Variants in MAGI1 observed in about 807,000 individuals in gnomAD.
MAGI1 encodes the protein membrane-associated guanylate kinase, WW and PDZ domain-containing protein 1.
Under a neutral mutation model 139.9 loss-of-function variants are expected in MAGI1, and 58 were observed. That is an observed-to-expected ratio of 0.41 (90% CI 0.34 to 0.52). MAGI1 has a LOEUF of 0.52. Ranked by LOEUF, MAGI1 falls within the 20% of genes least tolerant of loss-of-function variation. MAGI1 has a pLI of 0.12. For synonymous variants in MAGI1, 812 were observed against 737.9 expected, an observed-to-expected ratio of 1.10 and a Z score of -1.63; for missense variants, 1,874 against 1,901.6, an observed-to-expected ratio of 0.99 and a Z score of 0.27.
At chr3:65,361,437 G>A (rs1377727791) in intron 21 of MAGI1, 100 bp from the exon 22 acceptor site, 1 of 1,186,538 alleles carries the variant, frequency 8.4e-7, no homozygotes, top group East Asian at 2.4e-5. Context: ...CTTTGGAGGT[G>A]GCAGTGACAA....
chr3:65,627,659 C>G (rs1197810657), intron 1 of MAGI1, among the ~76,000 whole-genome samples: 1 of 151,682 alleles, frequency 6.6e-6, no homozygotes, highest in East Asian at 1.9e-4. Context: ...AGGTGACCAC[C>G]ACCATGCCCA....
intron 2 of MAGI1, among the ~76,000 whole-genome samples, chr3:65,558,702 A>C (rs1052332747): frequency 4.6e-5 from 7 of 152,014 alleles, no homozygotes; most frequent in Admixed American, 1.3e-4. Context: ...CACAAAAAAA[A>C]CCCTGCAGAT....
chr3:65,410,694 G>A (rs1945725876), intron 12 of MAGI1, among the ~76,000 whole-genome samples: 1 of 152,158 alleles, frequency 6.6e-6, no homozygotes, highest in African/African-American at 2.4e-5. Flanking sequence ...GCCGAAGAGT[G>A]TATGCACAGT....
intron 1 of MAGI1, among the ~76,000 whole-genome samples, chr3:65,944,380 G>A (rs1217016645): frequency 1.3e-5 from 2 of 152,000 alleles, no homozygotes; most frequent in Admixed American, 6.6e-5. Flanking sequence ...TGAGATGGAT[G>A]TGGGGTACGT....
chr3:65,385,863 G>A (rs1419276332), intron 14 of MAGI1, among the ~76,000 whole-genome samples: 1 of 152,120 alleles, frequency 6.6e-6, no homozygotes, highest in African/African-American at 2.4e-5. Context: ...TCGAGTAGCT[G>A]GCTACAGGAT....
chr3:65,812,480 A>ACACAAACACACG (rs2041324018), intron 1 of MAGI1, among the ~76,000 whole-genome samples: 1 of 146,110 alleles, frequency 6.8e-6, no homozygotes, highest in East Asian at 2.1e-4. Flanking sequence ...ACACACACAC[A>ACACAAACACACG]CACACACACA....
intron 5 of MAGI1, among the ~76,000 whole-genome samples, chr3:65,458,934 A>G (rs1301068640): frequency 1.3e-5 from 2 of 152,144 alleles, no homozygotes; most frequent in Non-Finnish European, 2.9e-5. Flanking sequence ...TCATAGTTGG[A>G]GGTCTTAGAC....
At chr3:65,987,229 T>G (rs6807782) in intron 1 of MAGI1, among the ~76,000 whole-genome samples, 1 of 151,940 alleles carries the variant, frequency 6.6e-6, no homozygotes, top group African/African-American at 2.4e-5. Context: ...ATTTCACTCA[T>G]GTGACTTTGG....
intron 2 of MAGI1, among the ~76,000 whole-genome samples, chr3:65,527,521 C>T (rs948095126): frequency 2.6e-5 from 4 of 152,028 alleles, no homozygotes; most frequent in South Asian, 2.1e-4. Flanking sequence ...GTCAGGAGAT[C>T]GAGACCATCC....
At chr3:65,365,267 G>A (rs927441655) in intron 18 of MAGI1, 1 of 526,024 alleles carries the variant, frequency 1.9e-6, no homozygotes, top group Non-Finnish European at 3.7e-6. Context: ...ACTGAAAAAA[G>A]GCAGTCCCAT....
chr3:65,878,716 A>T (rs1369780923), intron 1 of MAGI1, among the ~76,000 whole-genome samples: 1 of 152,174 alleles, frequency 6.6e-6, no homozygotes, highest in Non-Finnish European at 1.5e-5. Context: ...CGTTTGTGGC[A>T]GTTTAAATAT....
intron 4 of MAGI1, among the ~76,000 whole-genome samples, chr3:65,470,866 T>C (rs557363536): frequency 2.0e-5 from 3 of 152,302 alleles, no homozygotes; most frequent in African/African-American, 7.2e-5. Flanking sequence ...TTGATTTCAT[T>C]AGTCAGAAGA....
chr3:65,657,916 CATA>C, intron 1 of MAGI1, among the ~76,000 whole-genome samples: 1 of 152,278 alleles, frequency 6.6e-6, no homozygotes, highest in South Asian at 2.1e-4. Context: ...GTCAAACTAG[CATA>C]ACAATACCTT....
In MAGI1 at chr3:65,494,026, G is replaced by A. The variant is rs2107672278; in HGVS notation, c.431-395C>T. Among the ~76,000 whole-genome samples, 3 of 152,292 alleles carry A rather than the reference G, an allele frequency of 2.0e-5. No homozygotes were observed. The East Asian group carries it at 5.8e-4, about 29-fold the overall frequency. ...CCACCTTAAGCTCAGAGCCTAAGGG[G>A]TTTGTGTTTTTATCACAGGCCTTGA... On this transcript the variant is annotated intron_variant, in intron 2 of 22. Coordinates refer to ENST00000402939, the MANE Select transcript of MAGI1 (RefSeq NM_001033057.2).
intron 12 of MAGI1, among the ~76,000 whole-genome samples, chr3:65,423,249 T>G (rs886582851): frequency 1.2e-4 from 19 of 152,312 alleles, no homozygotes; most frequent in Middle Eastern, 6.8e-3. Flanking sequence ...CAATTCATTC[T>G]CTGGTCCAAG....
intron 1 of MAGI1, among the ~76,000 whole-genome samples, chr3:65,749,977 A>G (rs2036012675): frequency 6.6e-6 from 1 of 152,162 alleles, no homozygotes. Flanking sequence ...TGGTGCAATG[A>G]GAGATGGGGT....
chr3:66,033,680 G>A (rs2107607133), intron 1 of MAGI1, among the ~76,000 whole-genome samples: 1 of 152,292 alleles, frequency 6.6e-6, no homozygotes, highest in Non-Finnish European at 1.5e-5. Flanking sequence ...GAAGGGTCTG[G>A]TGGTGGTTTG....
At chr3:65,996,133 C>G (rs186749546) in intron 1 of MAGI1, among the ~76,000 whole-genome samples, 1 of 152,172 alleles carries the variant, frequency 6.6e-6, no homozygotes. Context: ...GGTAACACTA[C>G]TGAACTTCGC....
intron 16 of MAGI1, among the ~76,000 whole-genome samples, chr3:65,381,591 T>C (rs1166735853): frequency 2.0e-5 from 3 of 152,172 alleles, no homozygotes; most frequent in Non-Finnish European, 4.4e-5. Flanking sequence ...ATGAAGAGGA[T>C]GGCTAAGTTC....
Sources: gnomAD v4.1 joint callset for allele counts (sites outside exome capture counted in the v4.1 genomes callset) on GRCh38, gnomAD v4.1.1 for gene constraint, MANE v1.5 for transcripts, NCBI Gene and HGNC (gene_info 2026-07-23, HGNC 2026-07-21) for gene names.